The following MGAT4A variants were observed in gnomAD, a reference collection of about 807,000 sequenced individuals.
The protein encoded by MGAT4A is N-acetylglucosaminyltransferase IVa.
A neutral mutation model predicts 74.1 loss-of-function variants in MGAT4A; 33 were observed. The ratio of observed to expected loss-of-function variants is 0.45; its 90% CI spans 0.34 to 0.60. MGAT4A has a LOEUF of 0.60. MGAT4A is among the 20% of genes least tolerant of loss of function. The pLI is 0.02. For missense variants in MGAT4A, 479 were observed against 628.3 expected (o/e 0.76, Z 2.54); for synonymous variants, 198 against 210.4 (o/e 0.94, Z 0.51).
chr2:98,679,473 C>T (rs1185119353), intron 2 of MGAT4A, among the ~76,000 whole-genome samples: 2 of 131,272 alleles, frequency 1.5e-5, no homozygotes, highest in East Asian at 2.4e-4. Flanking sequence ...CTCTATAAAA[C>T]AATAAAAAAT....
At chr2:98,690,950 T>C (rs1413285345) in intron 2 of MGAT4A, among the ~76,000 whole-genome samples, 1 of 151,796 alleles carries the variant, frequency 6.6e-6, no homozygotes, top group South Asian at 2.1e-4. Context: ...AGAGAGAATA[T>C]AGACTAAGGA....
chr2:98,652,387 G>A (rs1701593123), intron 8 of MGAT4A, among the ~76,000 whole-genome samples: 1 of 145,146 alleles, frequency 6.9e-6, no homozygotes, highest in South Asian at 2.2e-4. Context: ...CTGGAGTGCA[G>A]TGGCGCTATC....
chr2:98,687,914 C>T (rs1391612261), intron 2 of MGAT4A, among the ~76,000 whole-genome samples: 1 of 152,092 alleles, frequency 6.6e-6, no homozygotes, highest in Non-Finnish European at 1.5e-5. Context: ...CAGAAGATGC[C>T]TCAGACTGAA....
intron 4 of MGAT4A, among the ~76,000 whole-genome samples, chr2:98,674,078 G>C (rs577966480): frequency 1.3e-5 from 2 of 152,090 alleles, no homozygotes; most frequent in South Asian, 4.1e-4. Flanking sequence ...ACTGATTAAT[G>C]AAATAGAAAG....
intron 3 of MGAT4A, among the ~76,000 whole-genome samples, chr2:98,676,532 T>A (rs1408104888): frequency 6.6e-6 from 1 of 152,132 alleles, no homozygotes; most frequent in East Asian, 1.9e-4. Flanking sequence ...TCTAAGAAGA[T>A]CATAATCTAA....
At chr2:98,660,691 T>TAA (rs1381382904) in intron 5 of MGAT4A, among the ~76,000 whole-genome samples, 1 of 152,188 alleles carries the variant, frequency 6.6e-6, no homozygotes, top group Non-Finnish European at 1.5e-5. Flanking sequence ...AAAGTTTCTT[T>TAA]AGTAAATGGT....
chr2:98,665,387 A>ATC (rs1179498952), intron 4 of MGAT4A, among the ~76,000 whole-genome samples: 1 of 151,374 alleles, frequency 6.6e-6, no homozygotes, highest in Non-Finnish European at 1.5e-5. Context: ...AAGACCATGG[A>ATC]TCTACCACCA....
In MGAT4A at chr2:98,623,009, C is replaced by T; in HGVS notation, c.*2557G>A. The stretch of plus-strand genomic sequence containing the variant: ...CTCCAGCCTGGGCAACAAAGCGAGA[C>T]CCTGTCTCAAAAATAATACAAAATG... On this transcript the variant is annotated 3_prime_UTR_variant, in exon 16 of 16. Coordinates refer to ENST00000393487, the MANE Select transcript of MGAT4A (RefSeq NM_012214.3). 6 of 985,186 alleles carry T rather than the reference C, an allele frequency of 6.1e-6. No homozygotes were observed. Among genetic ancestry groups the T allele is most frequent in the Non-Finnish European group, 7.2e-6 (6 of 829,788 alleles). 61.0% of individuals were successfully genotyped at this position (985,186 alleles called of 1,614,324 possible).
At chr2:98,682,843 T>C (rs1373307040) in intron 2 of MGAT4A, among the ~76,000 whole-genome samples, 1 of 151,798 alleles carries the variant, frequency 6.6e-6, no homozygotes, top group Non-Finnish European at 1.5e-5. Flanking sequence ...TCCCAGCAGT[T>C]TGGGAGCTGA....
Position 98,625,735 on chromosome 2 carries a change from G to C in MGAT4A, c.1569C>G (p.Ala523=), listed in dbSNP as rs777780027. Residue 523 remains alanine, a synonymous_variant, in exon 15 of 16, where the codon GCC becomes GCG. Coordinates refer to ENST00000393487, the MANE Select transcript of MGAT4A (RefSeq NM_012214.3). ...GATATATGCTTACCTCATTAAGAAT[G>C]GCCCAAACAGCAGAATTCTGAATAA... ...LSVIQNSAVW[A]ILNEIHIKKA... The C allele has an allele frequency of 1.9e-6, 3 of 1,609,534 alleles. No individual in the cohort carries two copies. The highest frequency in any genetic ancestry group is 2.5e-6 in the Non-Finnish European group (3 of 1,176,598).
chr2:98,651,605 T>G (rs1481793508), intron 8 of MGAT4A, among the ~76,000 whole-genome samples: 2 of 151,990 alleles, frequency 1.3e-5, no homozygotes, highest in East Asian at 3.8e-4. Flanking sequence ...GTCACTATTT[T>G]AAAAAATCAA....
At position 98,625,153 on chromosome 2, in the gene MGAT4A, TTATATA is replaced by T. The variant is rs1267625984; in HGVS notation, c.*407_*412del. 1 of 767,434 alleles carries T rather than the reference TTATATA, an allele frequency of 1.3e-6. No individual in the cohort carries two copies. The highest frequency in any genetic ancestry group is 6.3e-5 in the Admixed American group (1 of 15,914). 47.5% of individuals were successfully genotyped at this position (767,434 alleles called of 1,614,324 possible). On this transcript the variant is annotated 3_prime_UTR_variant, in exon 16 of 16. Coordinates refer to ENST00000393487, the MANE Select transcript of MGAT4A (RefSeq NM_012214.3). ...AACATTTTTATGTATATTTATATAT[TTATATA>T]TATAATCCCTGATAATCTATAAAAG...
At chr2:98,688,209 C>T (rs906750131) in intron 2 of MGAT4A, among the ~76,000 whole-genome samples, 3 of 152,048 alleles carry the variant, frequency 2.0e-5, no homozygotes, top group African/African-American at 7.3e-5. Context: ...TCTTAGAAAC[C>T]TCCCAAAGGA....
At chr2:98,646,574 G>A (rs1025131627) in intron 8 of MGAT4A, among the ~76,000 whole-genome samples, 1 of 152,096 alleles carries the variant, frequency 6.6e-6, no homozygotes, top group Non-Finnish European at 1.5e-5. Context: ...AGGCATGGGG[G>A]TGGGTACCTG....
chr2:98,654,886 CT>C (rs1236082762), intron 8 of MGAT4A, among the ~76,000 whole-genome samples: 1 of 152,094 alleles, frequency 6.6e-6, no homozygotes, highest in East Asian at 1.9e-4. Flanking sequence ...CTCATACTTC[CT>C]AATTTTAAAA....
chr2:98,723,305 G>A (rs1315629842), intron 2 of MGAT4A, among the ~76,000 whole-genome samples: 3 of 152,152 alleles, frequency 2.0e-5, no homozygotes, highest in Admixed American at 6.5e-5. Context: ...AGCAGCATGC[G>A]CCAGCAAGAT....
intron 5 of MGAT4A, 88 bp downstream of exon 5, chr2:98,662,958 T>C (rs1172955795): frequency 1.3e-5 from 15 of 1,111,458 alleles, no homozygotes; most frequent in Non-Finnish European, 1.7e-5. Context: ...TTAAAAAGCG[T>C]TTTTAAAAGC....
chr2:98,704,064 T>C (rs2104317323), intron 2 of MGAT4A, among the ~76,000 whole-genome samples: 1 of 152,312 alleles, frequency 6.6e-6, no homozygotes, highest in South Asian at 2.1e-4. Flanking sequence ...TCTCTGTAAG[T>C]AGGGTCTGTA....
intron 2 of MGAT4A, among the ~76,000 whole-genome samples, chr2:98,699,056 T>C (rs886447272): frequency 5.9e-5 from 9 of 152,268 alleles, no homozygotes; most frequent in East Asian, 1.9e-4. Context: ...GGACTCACCA[T>C]TGAGTTGCAG....
Sources: gnomAD v4.1 joint callset for allele counts (sites outside exome capture counted in the v4.1 genomes callset) on GRCh38, gnomAD v4.1.1 for gene constraint, MANE v1.5 for transcripts, NCBI Gene and HGNC (gene_info 2026-07-23, HGNC 2026-07-21) for gene names.